Variants in CNBD2 observed in about 807,000 individuals in gnomAD.
CNBD2 encodes the protein cyclic nucleotide binding domain containing 2.
Under a neutral mutation model 63.7 loss-of-function variants are expected in CNBD2, and 64 were observed. The observed-to-expected ratio is 1.00, with a 90% CI of 0.82 to 1.24. The LOEUF (loss-of-function observed/expected upper bound fraction) is 1.24, where lower values mean the gene tolerates loss of function less well. Ranked by LOEUF, CNBD2 falls within the 50% of genes most tolerant of loss-of-function variation. The probability of loss-of-function intolerance (pLI) is 0.00; values close to 1 mark genes in which losing one functional copy is unlikely to be tolerated. For synonymous variants in CNBD2, 229 were observed against 255.4 expected (o/e 0.90, Z 0.99); for missense variants, 691 against 713.5 (o/e 0.97, Z 0.36).
intron 3 of CNBD2, among the ~76,000 whole-genome samples, chr20:35,976,796 T>G (rs891650998): frequency 6.6e-6 from 1 of 152,230 alleles, no homozygotes; most frequent in African/African-American, 2.4e-5. Flanking sequence ...TTCTCACCAA[T>G]GCAGACCTGA....
chr20:35,983,943 A>G (rs761405438), intron 4 of CNBD2, 39 bp from the exon 5 acceptor site: 4 of 1,613,530 alleles, frequency 2.5e-6, no homozygotes, highest in Middle Eastern at 1.7e-4. Flanking sequence ...ACCTGCCCCC[A>G]TGTCACTACC....
downstream of CNBD2, among the ~76,000 whole-genome samples, chr20:35,955,653 C>A (rs1324841155): frequency 1.3e-5 from 2 of 152,184 alleles, no homozygotes; most frequent in Non-Finnish European, 2.9e-5. Flanking sequence ...TGTAATAGAA[C>A]TTACCTCTCA....
intron 10 of CNBD2, among the ~76,000 whole-genome samples, chr20:36,019,843 A>T (rs1214552534): frequency 6.6e-6 from 1 of 152,166 alleles, no homozygotes; most frequent in Non-Finnish European, 1.5e-5. Flanking sequence ...GCATGCAGCA[A>T]GTGGGTTGGA....
At chr20:35,979,912 C>T (rs1328759171) in intron 3 of CNBD2, among the ~76,000 whole-genome samples, 2 of 152,208 alleles carry the variant, frequency 1.3e-5, no homozygotes, top group East Asian at 3.8e-4. Context: ...AGGGTGTTCA[C>T]AACTCACAGT....
At chr20:35,970,312 A>G (rs1363136622) in intron 1 of CNBD2, among the ~76,000 whole-genome samples, 1 of 152,212 alleles carries the variant, frequency 6.6e-6, no homozygotes, top group Non-Finnish European at 1.5e-5. Flanking sequence ...TATGCATAGT[A>G]AGTATATTTT....
intron 8 of CNBD2, among the ~76,000 whole-genome samples, chr20:36,005,095 C>T (rs565928307): frequency 1.3e-5 from 2 of 152,188 alleles, no homozygotes; most frequent in African/African-American, 4.8e-5. Context: ...TGGCAGATTT[C>T]CTGGTGTGTT....
chr20:36,026,913 G>A (rs1044577398), intron 11 of CNBD2, among the ~76,000 whole-genome samples: 7 of 152,244 alleles, frequency 4.6e-5, no homozygotes, highest in African/African-American at 1.7e-4. Flanking sequence ...GGAAGGCAAG[G>A]CTGTGCTTTA....
chr20:36,010,459 A>AG (rs1446433650), intron 9 of CNBD2, among the ~76,000 whole-genome samples: 196 of 151,338 alleles, frequency 1.3e-3, no homozygotes, highest in African/African-American at 4.7e-3. Flanking sequence ...AAAAAAAAAA[A>AG]AAAGAAAAGA....
intron 9 of CNBD2, among the ~76,000 whole-genome samples, chr20:36,010,006 A>G (rs769824957): frequency 2.0e-5 from 3 of 152,212 alleles, no homozygotes; most frequent in Non-Finnish European, 2.9e-5. Context: ...TGGCAGAGCC[A>G]GGATTCAAAC....
At chr20:35,975,819 C>CG in intron 2 of CNBD2, 130 bp from the exon 3 acceptor site, 1 of 735,864 alleles carries the variant, frequency 1.4e-6, no homozygotes, top group Non-Finnish European at 2.3e-6. Flanking sequence ...CTGAAAGGGC[C>CG]GGCTGCTATG....
intron 8 of CNBD2, among the ~76,000 whole-genome samples, chr20:35,997,144 G>T (rs1318529741): frequency 4.0e-5 from 6 of 151,566 alleles, no homozygotes; most frequent in Non-Finnish European, 8.8e-5. Flanking sequence ...AGATCTTTTT[G>T]TGTCACCCAC....
intron 10 of CNBD2, among the ~76,000 whole-genome samples, chr20:36,021,797 C>T (rs1020077351): frequency 7.9e-5 from 12 of 152,132 alleles, no homozygotes; most frequent in East Asian, 1.9e-4. Flanking sequence ...CCCTTCATCA[C>T]GGAAGCAAGT....
At chr20:36,028,729 G>C (rs1435162694) in intron 11 of CNBD2, among the ~76,000 whole-genome samples, 1 of 144,932 alleles carries the variant, frequency 6.9e-6, no homozygotes, top group Non-Finnish European at 1.5e-5. Context: ...AGGCTAGAGT[G>C]CAGTCTCGTG....
intron 3 of CNBD2, among the ~76,000 whole-genome samples, chr20:35,979,968 A>G (rs138280685): frequency 2.0e-5 from 3 of 152,332 alleles, no homozygotes; most frequent in East Asian, 1.9e-4. Context: ...GTGCTGGTCC[A>G]TGAGGCCTGG....
chr20:35,954,656 C>T, upstream of CNBD2: 1 of 1,261,340 alleles, frequency 7.9e-7, no homozygotes, highest in Middle Eastern at 2.4e-4. Context: ...GGTGGCGCCT[C>T]TGAGCGCCAG....
At chr20:35,977,768 A>G (rs559178322) in intron 3 of CNBD2, among the ~76,000 whole-genome samples, 26 of 152,338 alleles carry the variant, frequency 1.7e-4, no homozygotes, top group Admixed American at 4.6e-4. Flanking sequence ...AAAAGCTTCC[A>G]AAACAGTGTG....
At chr20:35,969,381 C>G (rs1206103748) in intron 1 of CNBD2, among the ~76,000 whole-genome samples, 1 of 152,056 alleles carries the variant, frequency 6.6e-6, no homozygotes, top group African/African-American at 2.4e-5. Context: ...CCCATATTTC[C>G]ATAGATATCT....
intron 2 of CNBD2, chr20:35,974,868 G>A (rs1196996641): frequency 1.3e-5 from 2 of 152,254 alleles, no homozygotes; most frequent in East Asian, 1.9e-4. Context: ...CCTACATGGA[G>A]CTTAATAAAA....
intron 1 of CNBD2, among the ~76,000 whole-genome samples, chr20:35,971,899 T>C (rs1033529283): frequency 5.9e-5 from 9 of 152,204 alleles, no homozygotes; most frequent in African/African-American, 1.4e-4. Flanking sequence ...CCTGGATTTT[T>C]CCCTATCTTC....
Sources: gnomAD v4.1 joint callset for allele counts (sites outside exome capture counted in the v4.1 genomes callset) on GRCh38, gnomAD v4.1.1 for gene constraint, MANE v1.5 for transcripts, NCBI Gene and HGNC (gene_info 2026-07-23, HGNC 2026-07-21) for gene names.